SNTG1: variants seen among roughly 807,000 people sequenced by gnomAD.
SNTG1 encodes the protein syntrophin gamma 1, also known as gamma-1-syntrophin.
Under a neutral mutation model 74.7 loss-of-function variants are expected in SNTG1, and 39 were observed. That is an observed-to-expected ratio of 0.52 (90% CI 0.40 to 0.68). The LOEUF (loss-of-function observed/expected upper bound fraction) is 0.68. SNTG1 is among the 30% of genes least tolerant of loss of function. SNTG1 has a pLI of 0.00. For missense variants in SNTG1, 685 were observed against 609.5 expected (o/e 1.12, Z -1.30); for synonymous variants, 254 against 217.1 (o/e 1.17, Z -1.49).
chr8:49,943,439 T>C (rs1808878746), intron 1 of SNTG1, among the ~76,000 whole-genome samples: 1 of 152,256 alleles, frequency 6.6e-6, no homozygotes, highest in South Asian at 2.1e-4. Context: ...GCTTCACATC[T>C]CTGAAACTGC....
At chr8:50,353,440 C>T (rs559707634) in intron 2 of SNTG1, among the ~76,000 whole-genome samples, 37 of 152,274 alleles carry the variant, frequency 2.4e-4, no homozygotes, top group Non-Finnish European at 4.6e-4. Context: ...TTATCCTACT[C>T]ACTAAAATTA....
intron 1 of SNTG1, among the ~76,000 whole-genome samples, chr8:50,012,516 T>C (rs1032291243): frequency 5.9e-5 from 9 of 152,176 alleles, no homozygotes; most frequent in South Asian, 2.1e-4. Context: ...GGCTCTGAGG[T>C]TAGGAATTCA....
intron 1 of SNTG1, among the ~76,000 whole-genome samples, chr8:50,032,354 C>T (rs1185131107): frequency 1.3e-5 from 2 of 150,182 alleles, no homozygotes; most frequent in East Asian, 3.9e-4. Flanking sequence ...CTCTTTTATT[C>T]TAATTTTTTG....
intron 1 of SNTG1, among the ~76,000 whole-genome samples, chr8:49,965,717 A>T (rs1341550148): frequency 4.6e-5 from 7 of 152,286 alleles, no homozygotes; most frequent in Middle Eastern, 3.4e-3. Flanking sequence ...AAAATAACAC[A>T]AATAGGGCCC....
intron 17 of SNTG1, chr8:50,709,211 G>A: frequency 1.9e-6 from 1 of 526,958 alleles, no homozygotes. Context: ...TTATTTATAA[G>A]TCTATCTATG....
At chr8:50,218,953 C>T (rs1482343107) in intron 2 of SNTG1, among the ~76,000 whole-genome samples, 1 of 152,080 alleles carries the variant, frequency 6.6e-6, no homozygotes, top group East Asian at 1.9e-4. Flanking sequence ...TTTAAATGGG[C>T]TTCACGAGGA....
intron 1 of SNTG1, among the ~76,000 whole-genome samples, chr8:50,139,630 T>C (rs1236123527): frequency 1.3e-5 from 2 of 152,184 alleles, no homozygotes; most frequent in Non-Finnish European, 2.9e-5. Flanking sequence ...TCATTTGATG[T>C]GTTATAGTAT....
intron 1 of SNTG1, among the ~76,000 whole-genome samples, chr8:49,959,462 C>T (rs1190319035): frequency 6.7e-6 from 1 of 149,678 alleles, no homozygotes; most frequent in East Asian, 2.0e-4. Context: ...TGCCCCATCT[C>T]AGCTCTACAC....
At chr8:50,410,522 A>G (rs192017395) in intron 4 of SNTG1, among the ~76,000 whole-genome samples, 13 of 152,340 alleles carry the variant, frequency 8.5e-5, no homozygotes, top group Admixed American at 2.6e-4. Flanking sequence ...TAATATGATG[A>G]CTTGATAGAT....
intron 9 of SNTG1, among the ~76,000 whole-genome samples, chr8:50,509,935 C>G (rs956701191): frequency 1.2e-4 from 19 of 152,266 alleles, no homozygotes; most frequent in Admixed American, 3.3e-4. Context: ...TTGTCCTGTG[C>G]AGAGCTTCCA....
intron 13 of SNTG1, among the ~76,000 whole-genome samples, chr8:50,629,527 G>T (rs1375133255): frequency 6.6e-6 from 1 of 151,908 alleles, no homozygotes; most frequent in Non-Finnish European, 1.5e-5. Flanking sequence ...AATTGATACA[G>T]AATTCTGTTA....
chr8:50,790,375 T>A (rs2095687480), intron 18 of SNTG1, among the ~76,000 whole-genome samples: 1 of 151,954 alleles, frequency 6.6e-6, no homozygotes. Context: ...ATAGCTTATA[T>A]TTAGTGATAT....
chr8:50,599,217 A>T (rs751741561), intron 13 of SNTG1, among the ~76,000 whole-genome samples: 1 of 151,946 alleles, frequency 6.6e-6, no homozygotes, highest in Non-Finnish European at 1.5e-5. Context: ...TGTTCCAATG[A>T]TCTGTGTGTC....
chr8:50,372,038 A>G (rs565968706), intron 2 of SNTG1, among the ~76,000 whole-genome samples: 1 of 152,292 alleles, frequency 6.6e-6, no homozygotes, highest in African/African-American at 2.4e-5. Context: ...TACTAATAGG[A>G]AAGAACTTAC....
At chr8:50,092,247 C>A (rs2079767210) in intron 1 of SNTG1, among the ~76,000 whole-genome samples, 1 of 152,106 alleles carries the variant, frequency 6.6e-6, no homozygotes. Flanking sequence ...AGGAAAAATA[C>A]AAAGACCTTA....
chr8:49,993,050 A>G (rs1360177131), intron 1 of SNTG1, among the ~76,000 whole-genome samples: 1 of 152,158 alleles, frequency 6.6e-6, no homozygotes, highest in Admixed American at 6.6e-5. Flanking sequence ...TGTGGAAAAA[A>G]CACTAGTCAT....
At chr8:49,921,830 T>C (rs1026992104) in intron 1 of SNTG1, among the ~76,000 whole-genome samples, 1 of 152,176 alleles carries the variant, frequency 6.6e-6, no homozygotes, top group Non-Finnish European at 1.5e-5. Context: ...GCATAAAATA[T>C]ACACATAAAA....
At chr8:50,510,243 C>A (rs1440639187) in intron 9 of SNTG1, among the ~76,000 whole-genome samples, 1 of 152,102 alleles carries the variant, frequency 6.6e-6, no homozygotes, top group African/African-American at 2.4e-5. Context: ...GTTGAGCCAG[C>A]CTTGCATCCC....
chr8:50,063,230 G>A (rs1175669962), intron 1 of SNTG1, among the ~76,000 whole-genome samples: 3 of 152,134 alleles, frequency 2.0e-5, no homozygotes, highest in Admixed American at 2.0e-4. Flanking sequence ...TTTAGAAGTT[G>A]GAACACAATA....
Sources: gnomAD v4.1 joint callset for allele counts (sites outside exome capture counted in the v4.1 genomes callset) on GRCh38, gnomAD v4.1.1 for gene constraint, MANE v1.5 for transcripts, NCBI Gene and HGNC (gene_info 2026-07-23, HGNC 2026-07-21) for gene names.